Variants in DDX23 observed in about 807,000 individuals in gnomAD.
DDX23 encodes the protein DEAD-box helicase 23.
DDX23 carries 33 observed loss-of-function variants against 102.7 expected under a neutral mutation model. That is an observed-to-expected ratio of 0.32 (90% CI 0.24 to 0.43). DDX23 has a LOEUF of 0.43. Ranked by LOEUF, DDX23 falls within the 20% of genes least tolerant of loss-of-function variation. The probability of loss-of-function intolerance (pLI) is 1.00; values close to 1 mark genes in which losing one functional copy is unlikely to be tolerated. For missense variants in DDX23, 549 were observed against 1,086.6 expected (o/e 0.51, Z 6.96); for synonymous variants, 352 against 376.0 (o/e 0.94, Z 0.74).
Position 48,836,469 on chromosome 12 carries a change from C to T in DDX23, c.1236+100G>A, listed in dbSNP as rs1446157374. On this transcript the variant is annotated intron_variant, in intron 10 of 16. Coordinates refer to ENST00000308025, the MANE Select transcript of DDX23 (RefSeq NM_004818.3). The surrounding 1 kb of genome is among the most constrained non-coding windows in gnomAD (Gnocchi z 6.1). ...ACAGAAAAGGTCACATTGGTGCCCA[C>T]TAGCAGCGATGGCTCCAAATAGTCA... 1.5e-6 allele frequency: 2 copies of T among 1,329,216 alleles called. No individual in the cohort carries two copies. Among genetic ancestry groups the T allele is most frequent in the African/African-American group, 1.5e-5 (1 of 68,776 alleles). 82.3% of individuals were successfully genotyped at this position (1,329,216 alleles called of 1,614,324 possible). A position where few individuals can be genotyped will look rare whatever the true frequency, so the allele number is the denominator to read the frequency against.
chr12:48,830,839 T>C lies in DDX23; in HGVS notation c.2240-147A>G. 1 of 860,108 alleles carries C rather than the reference T, an allele frequency of 1.2e-6. No homozygotes were observed. The highest frequency in any genetic ancestry group is 2.9e-5 in the Admixed American group (1 of 34,684). The allele number at this position is 860,108 out of a possible 1,614,324, so 53.3% of individuals were successfully genotyped here. Reference sequence around the variant, plus strand: ...CTGCCTGAACCTGAGGCGCCCACAGTGCCCTCTCCAGGTGCCCATCTCCCC... The same window carrying C: ...CTGCCTGAACCTGAGGCGCCCACAGCGCCCTCTCCAGGTGCCCATCTCCCC... On this transcript the variant is annotated intron_variant, in intron 16 of 16. Transcript: ENST00000308025. The surrounding 1 kb of genome is among the most constrained non-coding windows in gnomAD (Gnocchi z 4.9).
At chr12:48,842,702 C>T (rs1592203486) in intron 3 of DDX23, among the ~76,000 whole-genome samples, 1 of 147,472 alleles carries the variant, frequency 6.8e-6, no homozygotes, top group Non-Finnish European at 1.5e-5. Context: ...CCCGGCCAGC[C>T]GCCCCGTCCA....
At chr12:48,835,209 T>C (rs1253752297) in intron 11 of DDX23, 1 of 226,464 alleles carries the variant, frequency 4.4e-6, no homozygotes, top group Non-Finnish European at 9.5e-6. Context: ...ACCACTGCAC[T>C]CCAGCCTAGA....
chr12:48,836,309 A>T lies in DDX23; in HGVS notation c.1237-43T>A. Reference sequence around the variant, plus strand: ...AAGAGTAATAGGTACAGGGAGAGTTATACCACCTGGGCAACCACTGATAGT... The same window carrying T: ...AAGAGTAATAGGTACAGGGAGAGTTTTACCACCTGGGCAACCACTGATAGT... On this transcript the variant is annotated intron_variant, in intron 10 of 16. Coordinates refer to ENST00000308025, the MANE Select transcript of DDX23 (RefSeq NM_004818.3). The surrounding 1 kb of genome is among the most constrained non-coding windows in gnomAD (Gnocchi z 6.1). 1.2e-6 allele frequency: 2 copies of T among 1,604,380 alleles called. No individual in the cohort carries two copies. The highest frequency in any genetic ancestry group is 1.7e-6 in the Non-Finnish European group (2 of 1,171,816).
rs1205545174 is a variant in DDX23 at position 48,837,770 on chromosome 12, T to C, written c.620-113A>G. ...ATGAAGAAAAAAAGGGGTAGACTTA[T>C]GATATGGGGTAAATGGAGATCTAAC... On this transcript the variant is annotated intron_variant, in intron 6 of 16. Transcript: ENST00000308025. 1.1e-5 allele frequency: 17 copies of C among 1,540,588 alleles called. No individual in the cohort carries two copies. The East Asian group carries it at 2.2e-4, about 20-fold the overall frequency.
In DDX23 at chr12:48,836,814, G is replaced by A. The variant is rs1938472504; in HGVS notation, c.1011-20C>T. ...CTTGCCCTGGAGCAGGGTGTGAGGA[G>A]TAAGTAGAATCAGTGCCCTCCAACT... On this transcript the variant is annotated intron_variant, in intron 9 of 16. Transcript: ENST00000308025. This position sits in a 1 kb window ranked among gnomAD's most constrained non-coding sequence, Gnocchi z 6.1. The A allele has an allele frequency of 3.1e-6, 5 of 1,613,240 alleles. No homozygotes were observed. Among genetic ancestry groups the A allele is most frequent in the South Asian group, 1.1e-5 (1 of 91,062 alleles).
In DDX23 at chr12:48,844,100, G is replaced by C. The variant is rs376702183; in HGVS notation, c.210-50C>G. The C allele has an allele frequency of 4.5e-6, 7 of 1,561,612 alleles. No individual in the cohort carries two copies. The African/African-American group carries it at 9.5e-5, about 21-fold the overall frequency. ...TCACTTGGTATTTCCAAAGTATCTT[G>C]CTTCACTGCAGCCCTGAGAAAGTTC... On this transcript the variant is annotated intron_variant, in intron 2 of 16. Coordinates refer to ENST00000308025, the MANE Select transcript of DDX23 (RefSeq NM_004818.3).
chr12:48,851,495 A>G (rs1938758526), intron 1 of DDX23, among the ~76,000 whole-genome samples: 1 of 151,954 alleles, frequency 6.6e-6, no homozygotes, highest in Non-Finnish European at 1.5e-5. Flanking sequence ...AAAAGAAAAG[A>G]AAAAAAAGAA....
intron 11 of DDX23, among the ~76,000 whole-genome samples, chr12:48,835,748 G>C (rs1938460579): frequency 6.6e-6 from 1 of 152,010 alleles, no homozygotes; most frequent in Non-Finnish European, 1.5e-5. Flanking sequence ...AAATTAGCTA[G>C]AAGTGGTGGC....
At position 48,842,830 on chromosome 12, in the gene DDX23, A is replaced by T. The variant is rs1938591134; in HGVS notation, c.320+1110T>A. 4.6e-5 allele frequency among the ~76,000 whole-genome samples: 7 copies of T among 152,256 alleles called. No individual in the cohort carries two copies. In the South Asian group the frequency reaches 1.4e-3, roughly 31 times the overall value. ...AGCTCATTGAGAACGGACCATGATG[A>T]CAGTGGCGGTTTTGTGGAATAGAAA... is the stretch of plus-strand genomic sequence containing the variant. On this transcript the variant is annotated intron_variant, in intron 3 of 16. Coordinates refer to ENST00000308025, the MANE Select transcript of DDX23 (RefSeq NM_004818.3).
At chr12:48,834,993 C>CG (rs1434451832) in intron 11 of DDX23, 1 of 159,978 alleles carries the variant, frequency 6.3e-6, no homozygotes, top group Non-Finnish European at 1.4e-5. Flanking sequence ...GCCTATAATC[C>CG]GAGCACTTTC....
Position 48,843,985 on chromosome 12 carries a change from C to G in DDX23, c.275G>C (p.Arg92Pro), listed in dbSNP as rs760500257. ...GTCCCGTCTGTGCCCATCCTTGTCT[C>G]GATCTCGGTCCTTCTTATTCCGATC... ...ERDRNKKDRD[R>P]DKDGHRRDKD... The change falls in exon 3 of 17, where the codon CGA (arginine) becomes CCA (proline). Residue 92 changes from arginine to proline, a missense_variant. This residue lies in a region of DDX23 where 241 missense variants were observed against 267.0 expected (regional missense o/e 0.90). Transcript: ENST00000308025. 8.1e-6 allele frequency: 13 copies of G among 1,614,116 alleles called. No homozygotes were observed. In the East Asian group the frequency reaches 2.9e-4, roughly 36 times the overall value.
chr12:48,832,300 C>G lies in DDX23; in HGVS notation c.1956-114G>C. 1 of 1,551,784 alleles carries G rather than the reference C, an allele frequency of 6.4e-7. No homozygotes were observed. Among genetic ancestry groups the G allele is most frequent in the Admixed American group, 1.7e-5 (1 of 57,594 alleles). ...GTCTTTAATGCCCATGACATTCTGC[C>G]CAAGAAAACAGCAGCTCTTCAACAC... On this transcript the variant is annotated intron_variant, in intron 14 of 16. Coordinates refer to ENST00000308025, the MANE Select transcript of DDX23 (RefSeq NM_004818.3). The surrounding 1 kb of genome is among the most constrained non-coding windows in gnomAD (Gnocchi z 4.4).
chr12:48,839,944 T>C, intron 4 of DDX23, 35 bp from the exon 5 acceptor site: 1 of 1,612,432 alleles, frequency 6.2e-7, no homozygotes, highest in Non-Finnish European at 8.5e-7. Context: ...CTATAAAGGC[T>C]CTCTCCCTTT....
chr12:48,839,757 A>T (rs1938519906), intron 5 of DDX23, 87 bp downstream of exon 5: 2 of 1,383,594 alleles, frequency 1.4e-6, no homozygotes, highest in Non-Finnish European at 2.0e-6. Context: ...ACTGTGAGAA[A>T]ATTAACTTCT....
At chr12:48,847,765 G>A (rs564327247) in intron 1 of DDX23, among the ~76,000 whole-genome samples, 6 of 152,164 alleles carry the variant, frequency 3.9e-5, no homozygotes, top group East Asian at 1.9e-4. Flanking sequence ...GCAGTAAGCC[G>A]AGATTGTGCC....
intron 11 of DDX23, among the ~76,000 whole-genome samples, chr12:48,835,706 G>A (rs1303604619): frequency 6.6e-5 from 10 of 151,692 alleles, no homozygotes; most frequent in South Asian, 2.1e-4. Flanking sequence ...GCGAAACTCC[G>A]TCTCAAAAAA....
At position 48,832,601 on chromosome 12, in the gene DDX23, A is replaced by G; in HGVS notation, c.1804-28T>C. Reference sequence around the variant, plus strand: ...ACGAAAACAGGAGGCTCAGCCCTGCACCCAGGCAGGAATAATCATATATCC... The same window carrying G: ...ACGAAAACAGGAGGCTCAGCCCTGCGCCCAGGCAGGAATAATCATATATCC... On this transcript the variant is annotated intron_variant, in intron 13 of 16. Transcript: ENST00000308025. This position sits in a 1 kb window ranked among gnomAD's most constrained non-coding sequence, Gnocchi z 4.4. 6.2e-7 allele frequency: 1 copy of G among 1,609,530 alleles called. No homozygotes were observed. Among genetic ancestry groups the G allele is most frequent in the South Asian group, 1.1e-5 (1 of 90,930 alleles).
At chr12:48,834,650 A>T (rs992393632) in intron 11 of DDX23, 153 bp from the exon 12 acceptor site, 8 of 711,002 alleles carry the variant, frequency 1.1e-5, no homozygotes, top group Non-Finnish European at 1.8e-5. Context: ...ATCAGAGGCC[A>T]GGGCTGGGCA....
Sources: gnomAD v4.1 joint callset for allele counts (sites outside exome capture counted in the v4.1 genomes callset) on GRCh38, gnomAD v4.1.1 for gene constraint, gnomAD v4.1.1 regional missense constraint, Gnocchi (gnomAD v3.1) non-coding constraint, MANE v1.5 for transcripts, NCBI Gene and HGNC (gene_info 2026-07-23, HGNC 2026-07-21) for gene names.